Variants in NELL1 observed in about 807,000 individuals in gnomAD.
NELL1 encodes protein kinase C-binding protein NELL1.
Under a neutral mutation model 107.4 loss-of-function variants are expected in NELL1, and 76 were observed. That is an observed-to-expected ratio of 0.71 (90% CI 0.59 to 0.86). The LOEUF (loss-of-function observed/expected upper bound fraction) is 0.86, where lower values mean the gene tolerates loss of function less well. NELL1 is among the 40% of genes least tolerant of loss of function. The pLI is 0.00. For missense variants in NELL1, 1,024 were observed against 1,005.5 expected (o/e 1.02, Z -0.25); for synonymous variants, 353 against 341.2 (o/e 1.03, Z -0.38).
At chr11:21,351,131 T>C (rs912053199) in intron 14 of NELL1, among the ~76,000 whole-genome samples, 1 of 152,114 alleles carries the variant, frequency 6.6e-6, no homozygotes, top group African/African-American at 2.4e-5. Context: ...ATTGGAGTTA[T>C]AATGCTACAA....
At chr11:21,334,546 GTC>G (rs1412161964) in intron 14 of NELL1, among the ~76,000 whole-genome samples, 7 of 151,844 alleles carry the variant, frequency 4.6e-5, no homozygotes, top group Non-Finnish European at 1.0e-4. Context: ...TAAGAGACCT[GTC>G]TCTGTCTCTC....
intron 2 of NELL1, among the ~76,000 whole-genome samples, chr11:20,756,559 C>A (rs1461449745): frequency 2.3e-5 from 3 of 129,976 alleles, no homozygotes; most frequent in Non-Finnish European, 3.2e-5. Flanking sequence ...GACAGGGTTT[C>A]ACCATGCTAG....
chr11:21,403,252 A>T (rs537381284), intron 15 of NELL1, among the ~76,000 whole-genome samples: 1 of 151,770 alleles, frequency 6.6e-6, no homozygotes, highest in East Asian at 2.0e-4. Flanking sequence ...CTGAGGTCTC[A>T]TGGGGCACAA....
chr11:21,190,974 T>C (rs1857037339), intron 13 of NELL1, among the ~76,000 whole-genome samples: 1 of 151,796 alleles, frequency 6.6e-6, no homozygotes, highest in South Asian at 2.1e-4. Flanking sequence ...TTGGGCATAT[T>C]GCAAGGTGGC....
intron 14 of NELL1, chr11:21,284,807 C>A (rs895405657): frequency 2.4e-5 from 8 of 335,570 alleles, no homozygotes; most frequent in South Asian, 4.8e-5. Flanking sequence ...ACCTCAAACT[C>A]CACTCCTATG....
chr11:21,069,292 G>GA (rs1565043251), intron 12 of NELL1, among the ~76,000 whole-genome samples: 1 of 151,988 alleles, frequency 6.6e-6, no homozygotes, highest in African/African-American at 2.4e-5. Context: ...ATAAAAGTTA[G>GA]AAAAAATAAA....
intron 2 of NELL1, among the ~76,000 whole-genome samples, chr11:20,768,228 G>A (rs1856573250): frequency 6.6e-6 from 1 of 152,170 alleles, no homozygotes; most frequent in African/African-American, 2.4e-5. Flanking sequence ...GAAAATAGAG[G>A]TTAAATCACT....
At chr11:20,701,528 C>G (rs1854787357) in intron 2 of NELL1, among the ~76,000 whole-genome samples, 1 of 151,990 alleles carries the variant, frequency 6.6e-6, no homozygotes, top group African/African-American at 2.4e-5. Context: ...TCCCATTTGT[C>G]AACTTTGGCT....
intron 4 of NELL1, among the ~76,000 whole-genome samples, chr11:20,867,806 T>G (rs1590363556): frequency 6.6e-6 from 1 of 152,330 alleles, no homozygotes; most frequent in East Asian, 1.9e-4. Context: ...ACCTGCACAC[T>G]TTGGATACAG....
chr11:20,724,806 G>T (rs1296613200), intron 2 of NELL1, among the ~76,000 whole-genome samples: 1 of 152,088 alleles, frequency 6.6e-6, no homozygotes, highest in Non-Finnish European at 1.5e-5. Context: ...CCACTCTGCC[G>T]GTACCAATTA....
At chr11:21,109,223 A>AT (rs1855047554) in intron 12 of NELL1, among the ~76,000 whole-genome samples, 1 of 152,080 alleles carries the variant, frequency 6.6e-6, no homozygotes, top group African/African-American at 2.4e-5. Context: ...AACAGCATCT[A>AT]TTTTTTGGGT....
At chr11:20,951,921 G>T (rs1157191500) in intron 11 of NELL1, among the ~76,000 whole-genome samples, 1 of 152,146 alleles carries the variant, frequency 6.6e-6, no homozygotes, top group Non-Finnish European at 1.5e-5. Flanking sequence ...GAAGTGTGAG[G>T]CCATTAGGTG....
At chr11:21,138,406 C>T (rs1855791775) in intron 13 of NELL1, among the ~76,000 whole-genome samples, 2 of 152,054 alleles carry the variant, frequency 1.3e-5, no homozygotes, top group Non-Finnish European at 2.9e-5. Flanking sequence ...CTTTCTGTGC[C>T]AGGGCACAAA....
chr11:21,073,503 G>C (rs1445682430), intron 12 of NELL1, among the ~76,000 whole-genome samples: 2 of 152,150 alleles, frequency 1.3e-5, no homozygotes, highest in Non-Finnish European at 2.9e-5. Flanking sequence ...TTAGTGTTGA[G>C]CCAAAGAAAT....
chr11:21,048,858 G>T (rs1342654524), intron 12 of NELL1, among the ~76,000 whole-genome samples: 1 of 152,054 alleles, frequency 6.6e-6, no homozygotes, highest in African/African-American at 2.4e-5. Flanking sequence ...GTTCCAGCTG[G>T]CAAGACAGAG....
intron 14 of NELL1, among the ~76,000 whole-genome samples, chr11:21,231,643 C>T (rs767633258): frequency 1.3e-5 from 2 of 152,164 alleles, no homozygotes; most frequent in Non-Finnish European, 1.5e-5. Flanking sequence ...TTGTATTTGC[C>T]GAGTCCTCTC....
intron 14 of NELL1, among the ~76,000 whole-genome samples, chr11:21,273,319 TAAATG>T (rs1464800538): frequency 1.3e-5 from 2 of 151,978 alleles, no homozygotes; most frequent in East Asian, 3.9e-4. Flanking sequence ...GAAGATGAGA[TAAATG>T]AAATGAAGCG....
At chr11:21,200,081 T>C (rs1216548360) in intron 13 of NELL1, among the ~76,000 whole-genome samples, 1 of 152,228 alleles carries the variant, frequency 6.6e-6, no homozygotes, top group Non-Finnish European at 1.5e-5. Flanking sequence ...GTCTTTGTTA[T>C]TGTGAACAGT....
chr11:21,352,212 C>G (rs1422357889), intron 14 of NELL1, among the ~76,000 whole-genome samples: 1 of 152,136 alleles, frequency 6.6e-6, no homozygotes, highest in African/African-American at 2.4e-5. Context: ...TATTTCTTAT[C>G]TCCTTTACCC....
Sources: gnomAD v4.1 joint callset for allele counts (sites outside exome capture counted in the v4.1 genomes callset) on GRCh38, gnomAD v4.1.1 for gene constraint, MANE v1.5 for transcripts, NCBI Gene and HGNC (gene_info 2026-07-23, HGNC 2026-07-21) for gene names.